Variants in GPATCH3 observed in about 807,000 individuals in gnomAD.
GPATCH3 encodes the protein G patch domain-containing protein 3.
A neutral mutation model predicts 53.2 loss-of-function variants in GPATCH3; 45 were observed. The observed-to-expected ratio is 0.85, with a 90% confidence interval of 0.67 to 1.08. GPATCH3 has a LOEUF of 1.08. Ranked by LOEUF, GPATCH3 falls within the 50% of genes least tolerant of loss-of-function variation. The probability of loss-of-function intolerance (pLI) is 0.00; values close to 1 mark genes in which losing one functional copy is unlikely to be tolerated. For synonymous variants in GPATCH3, 280 were observed against 270.6 expected, an observed-to-expected ratio of 1.03 and a Z score of -0.34; for missense variants, 680 against 687.2, an observed-to-expected ratio of 0.99 and a Z score of 0.12.
At position 26,892,466 on chromosome 1, in the gene GPATCH3, C is replaced by A. The variant is rs1234697207; in HGVS notation, c.1306G>T (p.Val436Leu). The A allele has an allele frequency of 6.2e-7, 1 of 1,613,958 alleles. No homozygotes were observed. The highest frequency in any genetic ancestry group is 1.7e-5 in the Admixed American group (1 of 60,020). Residue 436 changes from valine (V) to leucine (L), a missense_variant, in exon 6 of 7, where the codon GTG becomes TTG. By Grantham distance (32) the Val-to-Leu change is conservative. Transcript: ENST00000361720. ...CCATCACTATCCAGGGCCTCAGGCA[C>A]CCCTGAGCACCTGCAGCCCAGGCCC... is the stretch of plus-strand genomic sequence containing the variant. ...GQGLGCRCSG[V>L]PEALDSDGQH...
At chr1:26,896,846 C>T (rs926713024) in intron 2 of GPATCH3, among the ~76,000 whole-genome samples, 4 of 151,866 alleles carry the variant, frequency 2.6e-5, no homozygotes, top group African/African-American at 7.3e-5. Context: ...CACAGTGAAA[C>T]CCCGTCTCTA....
intron 6 of GPATCH3, among the ~76,000 whole-genome samples, chr1:26,891,684 C>A (rs1557658928): frequency 6.7e-6 from 1 of 149,164 alleles, no homozygotes; most frequent in Non-Finnish European, 1.5e-5. Flanking sequence ...GTAGCTGGGA[C>A]TACAGGCGCA....
chr1:26,894,498 C>T, intron 2 of GPATCH3, 88 bp from the exon 3 acceptor site: 2 of 1,259,098 alleles, frequency 1.6e-6, no homozygotes, highest in South Asian at 1.4e-5. Flanking sequence ...GCATGTGTGG[C>T]TAGCCTCAGC....
chr1:26,898,947 G>T lies in GPATCH3; in HGVS notation c.451+1045C>A, dbSNP rs113715232. On this transcript the variant is annotated intron_variant, in intron 1 of 6. Coordinates refer to ENST00000361720, the MANE Select transcript of GPATCH3 (RefSeq NM_022078.3). ...CCCAAAGTGCTGGGATTACAGGCAC[G>T]AGCCATTGCAACCCAGCCCACAATG... Among the ~76,000 whole-genome samples, 593 of 152,234 alleles carry T rather than the reference G, an allele frequency of 3.9e-3. 6 individuals are homozygous for T. The highest frequency in any genetic ancestry group is 0.014 in the African/African-American group (572 of 41,540).
chr1:26,894,506 A>G (rs1434316639), intron 2 of GPATCH3, 96 bp from the exon 3 acceptor site: 1 of 1,159,540 alleles, frequency 8.6e-7, no homozygotes, highest in Non-Finnish European at 1.2e-6. Flanking sequence ...GGCTAGCCTC[A>G]GCGCCATTCC....
At chr1:26,893,506 A>C in intron 3 of GPATCH3, 58 bp from the exon 4 acceptor site, 1 of 943,132 alleles carries the variant, frequency 1.1e-6, no homozygotes, top group Non-Finnish European at 1.6e-6. Flanking sequence ...TTCTATTAAG[A>C]GTTAAACCTA....
In GPATCH3 at chr1:26,900,113, C is replaced by T. The variant is rs757035648; in HGVS notation, c.330G>A (p.Gly110=). The T allele has an allele frequency of 1.2e-6, 2 of 1,614,204 alleles. No individual in the cohort carries two copies. Among genetic ancestry groups the T allele is most frequent in the East Asian group, 2.2e-5 (1 of 44,884 alleles). The part of the protein sequence containing the change: ...RTCCCVISVR[G]LAQAQRLIRM... ...GAATAAGCCTCTGAGCTTGAGCCAA[C>T]CCCCTTACCGAGATGACGCAGCAGC... Residue 110 remains glycine, a synonymous_variant, in exon 1 of 7, where the codon GGG becomes GGA. Transcript: ENST00000361720.
At chr1:26,892,369 G>C (rs1292243361) in intron 6 of GPATCH3, 42 bp downstream of exon 6, 3 of 1,592,936 alleles carry the variant, frequency 1.9e-6, no homozygotes, top group Admixed American at 1.7e-5. Context: ...GGGCATAGCT[G>C]AAAGGCTTGG....
rs2081969367 is a variant in GPATCH3, at chr1:26,900,208, A to G, written c.235T>C (p.Ser79Pro). The change falls in exon 1 of 7, where the codon TCT becomes CCT. Residue 79 changes from serine (S) to proline (P), a missense_variant. Ser to Pro is a moderately conservative substitution (Grantham distance 74, BLOSUM62 -1). Transcript: ENST00000361720. Reference protein sequence around the residue: ...TDPAAEGQLLSQTSATDVRPL... With the variant: ...TDPAAEGQLLPQTSATDVRPL... ...CGGACATCGGTGGCCGAAGTCTGAG[A>G]GAGAAGCTGGCCCTCAGCGGCTGGG... 6.2e-7 allele frequency: 1 copy of G among 1,613,960 alleles called. No homozygotes were observed. The highest frequency in any genetic ancestry group is 1.7e-5 in the Admixed American group (1 of 59,996).
chr1:26,894,169 T>C, intron 3 of GPATCH3, 67 bp downstream of exon 3: 1 of 1,516,700 alleles, frequency 6.6e-7, no homozygotes, highest in Non-Finnish European at 9.0e-7. Context: ...ATCTACCGTG[T>C]GGAACAGGGA....
Position 26,900,266 on chromosome 1 carries a change from C to A in GPATCH3, c.177G>T (p.Gln59His), listed in dbSNP as rs1264895688. Residue 59 changes from glutamine to histidine, a missense_variant, in exon 1 of 7, where the codon CAG (glutamine) becomes CAT (histidine). Coordinates refer to ENST00000361720, the MANE Select transcript of GPATCH3 (RefSeq NM_022078.3). ...YRHRPERAPP[Q>H]AAPNSALIPT... ...GAATTAGGGCAGAGTTAGGAGCGGC[C>A]TGCGGAGGGGCCCGCTCAGGCCGAT... 2 of 1,613,966 alleles carry A rather than the reference C, an allele frequency of 1.2e-6. No individual in the cohort carries two copies. Among genetic ancestry groups the A allele is most frequent in the Non-Finnish European group, 1.7e-6 (2 of 1,180,054 alleles).
chr1:26,894,467 G>C, intron 2 of GPATCH3, 57 bp from the exon 3 acceptor site: 2 of 1,526,546 alleles, frequency 1.3e-6, no homozygotes, highest in Non-Finnish European at 9.0e-7. Context: ...CCCCGAGGGA[G>C]GGAAGCTCAG....
chr1:26,894,912 C>T (rs1208325278), intron 2 of GPATCH3, among the ~76,000 whole-genome samples: 1 of 152,164 alleles, frequency 6.6e-6, no homozygotes, highest in African/African-American at 2.4e-5. Flanking sequence ...ACCACTGCAA[C>T]AACCCTATGA....
chr1:26,900,433 G>C lies in GPATCH3; in HGVS notation c.10C>G (p.Pro4Ala), dbSNP rs755218164. 2 of 1,608,910 alleles carry C rather than the reference G, an allele frequency of 1.2e-6. No homozygotes were observed. The highest frequency in any genetic ancestry group is 1.7e-6 in the Non-Finnish European group (2 of 1,176,638). MAVPGEAEEEATVY... is the reference protein window; with the variant it reads MAVAGEAEEEATVY... ...GTCGCCTCCTCCTCCGCCTCGCCGG[G>C]CACCGCCATCTTGGATTGTCACATG... is the stretch of plus-strand genomic sequence containing the variant. The change falls in exon 1 of 7, where the codon CCC becomes GCC. Residue 4 changes from proline (P) to alanine (A), a missense_variant. Coordinates refer to ENST00000361720, the MANE Select transcript of GPATCH3 (RefSeq NM_022078.3).
intron 2 of GPATCH3, 109 bp downstream of exon 2, chr1:26,897,192 G>T: frequency 2.0e-6 from 2 of 1,021,864 alleles, no homozygotes; most frequent in Non-Finnish European, 2.9e-6. Flanking sequence ...GAACCCTCCT[G>T]AGGACCCCAG....
In GPATCH3 at chr1:26,900,407, T is replaced by C. The variant is rs1040080036; in HGVS notation, c.36A>G (p.Thr12=). ...GGATACCGCTCACTACCAGGTAAAC[T>C]GTCGCCTCCTCCTCCGCCTCGCCGG... is the stretch of plus-strand genomic sequence containing the variant. ...AVPGEAEEEA[T]VYLVVSGIPS... Residue 12 remains threonine (T), a synonymous_variant, in exon 1 of 7, where the codon ACA becomes ACG. Transcript: ENST00000361720. The C allele has an allele frequency of 1.2e-6, 2 of 1,611,998 alleles. No individual in the cohort carries two copies. Among genetic ancestry groups the C allele is most frequent in the Non-Finnish European group, 1.7e-6 (2 of 1,178,544 alleles).
At position 26,892,475 on chromosome 1, in the gene GPATCH3, A is replaced by G. The variant is rs1471829269; in HGVS notation, c.1297T>C (p.Cys433Arg). ...TCCAGGGCCTCAGGCACCCCTGAGC[A>G]CCTGCAGCCCAGGCCCTGGCCCTCA... is the stretch of plus-strand genomic sequence containing the variant. The part of the protein sequence containing the change: ...WAEGQGLGCR[C>R]SGVPEALDSD... The change falls in exon 6 of 7, where the codon TGC becomes CGC. Residue 433 changes from cysteine to arginine, a missense_variant. Transcript: ENST00000361720. 1 of 1,613,842 alleles carries G rather than the reference A, an allele frequency of 6.2e-7. No homozygotes were observed. Among genetic ancestry groups the G allele is most frequent in the South Asian group, 1.1e-5 (1 of 91,080 alleles).
At chr1:26,894,206 C>A (rs1570699486) in intron 3 of GPATCH3, 30 bp downstream of exon 3, 2 of 1,607,548 alleles carry the variant, frequency 1.2e-6, no homozygotes, top group East Asian at 4.5e-5. Context: ...GCAGGGGTCA[C>A]CCCTGCCTTT....
intron 3 of GPATCH3, 65 bp downstream of exon 3, chr1:26,894,171 G>C: frequency 2.6e-6 from 4 of 1,532,414 alleles, no homozygotes; most frequent in South Asian, 1.2e-5. Flanking sequence ...CTACCGTGTG[G>C]AACAGGGAAC....
Sources: gnomAD v4.1 joint callset for allele counts (sites outside exome capture counted in the v4.1 genomes callset) on GRCh38, gnomAD v4.1.1 for gene constraint, MANE v1.5 for transcripts, NCBI Gene and HGNC (gene_info 2026-07-23, HGNC 2026-07-21) for gene names.